The following TBX5 variants were observed in gnomAD, a reference collection of about 807,000 sequenced individuals.
The protein encoded by TBX5 is T-box transcription factor TBX5.
Under a neutral mutation model 51.1 loss-of-function variants are expected in TBX5, and 8 were observed. That is an observed-to-expected ratio of 0.16 (90% CI 0.09 to 0.28). TBX5 has a LOEUF of 0.28. Among genes scored for constraint, TBX5 ranks in the 10% least tolerant of loss-of-function variants. The pLI, the probability that TBX5 is intolerant of heterozygous loss-of-function variation, is 1.00. For synonymous variants in TBX5, 302 were observed against 266.4 expected, an observed-to-expected ratio of 1.13 and a Z score of -1.30; for missense variants, 589 against 671.7, an observed-to-expected ratio of 0.88 and a Z score of 1.36.
At chr12:114,360,507 G>C (rs1869176191) in intron 8 of TBX5, among the ~76,000 whole-genome samples, 1 of 150,984 alleles carries the variant, frequency 6.6e-6, no homozygotes, top group African/African-American at 2.4e-5. Context: ...TGGGTGAATG[G>C]ATGGGTGGGT....
At position 114,366,394 on chromosome 12, in the gene TBX5, G is replaced by A; in HGVS notation, c.756-3C>T. 1.2e-6 allele frequency: 2 copies of A among 1,613,860 alleles called. No homozygotes were observed. The highest frequency in any genetic ancestry group is 1.1e-5 in the South Asian group (1 of 91,058). On this transcript the variant is annotated splice_polypyrimidine_tract_variant and splice_region_variant and intron_variant, in intron 7 of 8. Transcript: ENST00000405440. ...TGGGGACCACGGGATATTCTTTACT[G>A]AAAGAGAAAAGATGGGAGATAACGC... is the stretch of plus-strand genomic sequence containing the variant.
At chr12:114,372,638 T>C (rs944204621) in intron 7 of TBX5, among the ~76,000 whole-genome samples, 3 of 152,102 alleles carry the variant, frequency 2.0e-5, no homozygotes, top group African/African-American at 4.8e-5. Flanking sequence ...ACCAGGGCTA[T>C]ATGATTTGAG....
At chr12:114,370,945 CT>C (rs1249769967) in intron 7 of TBX5, among the ~76,000 whole-genome samples, 1 of 152,046 alleles carries the variant, frequency 6.6e-6, no homozygotes, top group Non-Finnish European at 1.5e-5. Context: ...CCCGCCCTTC[CT>C]TCCAAGTCCC....
rs909573439 is a variant in TBX5 at position 114,370,661 on chromosome 12, CTCTA to C, written c.756-4274_756-4271del. 4.7e-4 allele frequency among the ~76,000 whole-genome samples: 63 copies of C among 134,082 alleles called. No homozygotes were observed. The South Asian group carries it at 8.2e-3, about 18-fold the overall frequency. The allele number at this position is 134,082 out of a possible 152,430, so 88.0% of individuals were successfully genotyped here. A position where few individuals can be genotyped will look rare whatever the true frequency, so the allele number is the denominator to read the frequency against. On this transcript the variant is annotated intron_variant, in intron 7 of 8. Coordinates refer to ENST00000405440, the MANE Select transcript of TBX5 (RefSeq NM_181486.4). ...TCCCTCTCTCTCTCTCTCTCTCTCT[CTCTA>C]TCTATCTATCTTCCTCTTTTTTATA...
chr12:114,373,498 G>A (rs937859348), intron 7 of TBX5, among the ~76,000 whole-genome samples: 7 of 152,138 alleles, frequency 4.6e-5, no homozygotes, highest in African/African-American at 7.2e-5. Flanking sequence ...TCGCTCTGTC[G>A]CCCAGGCTGG....
chr12:114,398,807 G>T, intron 4 of TBX5, 87 bp from the exon 5 acceptor site: 1 of 1,503,862 alleles, frequency 6.6e-7, no homozygotes, highest in Non-Finnish European at 9.0e-7. Context: ...TCACGCACCA[G>T]GTGAGGGTTG....
intron 1 of TBX5, 149 bp from the exon 2 acceptor site, chr12:114,404,085 T>G: frequency 2.8e-6 from 2 of 717,096 alleles, no homozygotes; most frequent in South Asian, 1.7e-5. Flanking sequence ...CGAAGGTGAC[T>G]GCAGAAGGCC....
At chr12:114,362,567 C>T (rs1450475871) in intron 8 of TBX5, among the ~76,000 whole-genome samples, 1 of 152,224 alleles carries the variant, frequency 6.6e-6, no homozygotes, top group Non-Finnish European at 1.5e-5. Context: ...ATCTCAGCCT[C>T]AATGCTTCCC....
intron 7 of TBX5, 73 bp from the exon 8 acceptor site, chr12:114,366,464 G>A (rs2136373924): frequency 1.4e-6 from 2 of 1,455,514 alleles, no homozygotes; most frequent in Non-Finnish European, 1.9e-6. Flanking sequence ...TGAACCAGGT[G>A]TGAGAGAATC....
intron 7 of TBX5, among the ~76,000 whole-genome samples, chr12:114,373,145 G>C (rs1317987866): frequency 6.6e-6 from 1 of 152,106 alleles, no homozygotes; most frequent in Non-Finnish European, 1.5e-5. Context: ...CAAATATTTA[G>C]AGCTGATCAC....
At position 114,404,065 on chromosome 12, in the gene TBX5, C is replaced by T. The variant is rs1872031325; in HGVS notation, c.-38-129G>A. Reference sequence around the variant, plus strand: ...CCCAGTTTCCAGCTACCAGCACCTCCGTTCCCAGCCGAAGGTGACTGCAGA... The same window carrying T: ...CCCAGTTTCCAGCTACCAGCACCTCTGTTCCCAGCCGAAGGTGACTGCAGA... On this transcript the variant is annotated intron_variant, in intron 1 of 8. Transcript: ENST00000405440. The T allele has an allele frequency of 6.7e-6, 6 of 892,840 alleles. No homozygotes were observed. In the Admixed American group the frequency reaches 8.7e-5, roughly 13 times the overall value. The allele number at this position is 892,840 out of a possible 1,614,324, so 55.3% of individuals were successfully genotyped here. A position where few individuals can be genotyped will look rare whatever the true frequency, so the allele number is the denominator to read the frequency against.
Position 114,405,888 on chromosome 12 carries a change from C to G in TBX5, c.-299G>C, listed in dbSNP as rs760764305. The G allele has an allele frequency of 1.0e-6, 1 of 985,514 alleles. No homozygotes were observed. The highest frequency in any genetic ancestry group is 1.2e-6 in the Non-Finnish European group (1 of 830,006). The allele number at this position is 985,514 out of a possible 1,614,324, so 61.0% of individuals were successfully genotyped here. A position where few individuals can be genotyped will look rare whatever the true frequency, so the allele number is the denominator to read the frequency against. ...CCCAGTTGGCAAGCGCCAAAGAACA[C>G]AAAATAGCCTCCAAGAGCACCGGCA... On this transcript the variant is annotated 5_prime_UTR_variant, in exon 1 of 9. Coordinates refer to ENST00000405440, the MANE Select transcript of TBX5 (RefSeq NM_181486.4).
intron 6 of TBX5, among the ~76,000 whole-genome samples, chr12:114,392,046 A>G (rs1321792299): frequency 6.6e-6 from 1 of 152,096 alleles, no homozygotes; most frequent in Non-Finnish European, 1.5e-5. Context: ...CTCAATCAAT[A>G]CAGAAAAAAA....
chr12:114,393,828 C>A (rs541364595), intron 6 of TBX5, among the ~76,000 whole-genome samples: 1 of 152,172 alleles, frequency 6.6e-6, no homozygotes, highest in African/African-American at 2.4e-5. Context: ...GGCTCTTTGT[C>A]TAAGTCCAGC....
chr12:114,385,659 A>G, intron 6 of TBX5, 92 bp from the exon 7 acceptor site: 4 of 1,104,774 alleles, frequency 3.6e-6, no homozygotes, highest in Non-Finnish European at 5.5e-6. Flanking sequence ...TATCATGGAA[A>G]TGCAGCCTCT....
At chr12:114,370,486 C>A (rs1327744648) in intron 7 of TBX5, among the ~76,000 whole-genome samples, 2 of 152,156 alleles carry the variant, frequency 1.3e-5, no homozygotes, top group Non-Finnish European at 2.9e-5. Context: ...AAAAAGCACA[C>A]ACACAGAAAT....
chr12:114,370,203 C>A (rs1318414589), intron 7 of TBX5, among the ~76,000 whole-genome samples: 2 of 138,274 alleles, frequency 1.4e-5, no homozygotes, highest in East Asian at 4.2e-4. Context: ...TGCACTCCAG[C>A]CTGGATGACA....
chr12:114,370,288 G>GAAAAGAAAAGAAAAGAAAAC lies in TBX5; in HGVS notation c.756-3898_756-3897insGTTTTCTTTTCTTTTCTTTT, dbSNP rs56105735. On this transcript the variant is annotated intron_variant, in intron 7 of 8. Transcript: ENST00000405440. ...GAAAAGAAAAGAAAAGAAAAGAAAA[G>GAAAAGAAAAGAAAAGAAAAC]AAAGAAAAGAAAAGAAAAGAAAAGA... Among the ~76,000 whole-genome samples the GAAAAGAAAAGAAAAGAAAAC allele has an allele frequency of 2.2e-3, 126 of 56,750 alleles. 5 individuals carry two copies. Among genetic ancestry groups the GAAAAGAAAAGAAAAGAAAAC allele is most frequent in the African/African-American group, 6.4e-3 (117 of 18,416 alleles). 37.2% of individuals were successfully genotyped at this position (56,750 alleles called of 152,430 possible).
Position 114,399,614 on chromosome 12 carries a change from G to A in TBX5, c.261C>T (p.Tyr87=), listed in dbSNP as rs767197919. ...TKAGRRMFPS[Y]KVKVTGLNPK... is the part of the protein sequence containing the mutation. ...GATTAAGGCCCGTCACCTTCACTTT[G>A]TAACTGGGAAACATCCGCCTAAGAG... The change falls in exon 4 of 9, where the codon TAC becomes TAT. Residue 87 remains tyrosine (Y), a synonymous_variant. Transcript: ENST00000405440. The A allele has an allele frequency of 3.1e-6, 5 of 1,614,138 alleles. No homozygotes were observed. The East Asian group carries it at 1.1e-4, about 36-fold the overall frequency.
Sources: allele counts gnomAD v4.1 joint callset (sites outside exome capture counted in the v4.1 genomes callset), GRCh38; gene constraint gnomAD v4.1.1; transcripts MANE v1.5; gene names NCBI Gene and HGNC (gene_info 2026-07-23, HGNC 2026-07-21).